Variants in ATP6V0A4 observed in about 807,000 individuals in gnomAD.
ATP6V0A4 encodes ATPase H+ transporting V0 subunit a4.
ATP6V0A4 carries 86 observed loss-of-function variants against 107.3 expected under a neutral mutation model. The ratio of observed to expected loss-of-function variants is 0.80; its 90% CI spans 0.67 to 0.96. ATP6V0A4 has a LOEUF of 0.96. Ranked by LOEUF, ATP6V0A4 falls within the 40% of genes least tolerant of loss-of-function variation. ATP6V0A4 has a pLI of 0.00. For synonymous variants in ATP6V0A4, 353 were observed against 381.4 expected (o/e 0.93, Z 0.87); for missense variants, 908 against 1,045.6 (o/e 0.87, Z 1.81).
intron 18 of ATP6V0A4, among the ~76,000 whole-genome samples, chr7:138,727,712 A>G (rs1411456511): frequency 6.6e-6 from 1 of 152,236 alleles, no homozygotes. Flanking sequence ...CATTTAAAAC[A>G]TACACGGTCT....
chr7:138,757,942 C>T lies in ATP6V0A4; in HGVS notation c.640-1402G>A, dbSNP rs1322480379. 2.6e-5 allele frequency among the ~76,000 whole-genome samples: 4 copies of T among 152,150 alleles called. No homozygotes were observed. The East Asian group carries it at 5.8e-4, about 22-fold the overall frequency. On this transcript the variant is annotated intron_variant, in intron 8 of 21. Coordinates refer to ENST00000310018, the MANE Select transcript of ATP6V0A4 (RefSeq NM_020632.3). ...TGTTTTAGGATTTTCAGAGCTGCTG[C>T]GTTACATTATTTCCAAAAGGTTTCT...
intron 14 of ATP6V0A4, 119 bp downstream of exon 14, chr7:138,745,004 A>G (rs1395095329): frequency 3.1e-6 from 3 of 954,300 alleles, no homozygotes; most frequent in Admixed American, 1.8e-5. Flanking sequence ...AGCCTGGCCT[A>G]TTTGAATTTT....
At chr7:138,713,733 A>T (rs1803870677) in intron 20 of ATP6V0A4, among the ~76,000 whole-genome samples, 1 of 152,172 alleles carries the variant, frequency 6.6e-6, no homozygotes, top group African/African-American at 2.4e-5. Flanking sequence ...AGAATTAAAG[A>T]AGGGACTATT....
chr7:138,760,240 T>A (rs915676769), intron 7 of ATP6V0A4, among the ~76,000 whole-genome samples: 2 of 152,018 alleles, frequency 1.3e-5, no homozygotes, highest in East Asian at 3.9e-4. Flanking sequence ...GGTCAGGAGT[T>A]CGAGACCAGC....
intron 20 of ATP6V0A4, among the ~76,000 whole-genome samples, chr7:138,713,831 T>C (rs1275031514): frequency 2.0e-5 from 3 of 151,742 alleles, no homozygotes; most frequent in Non-Finnish European, 4.4e-5. Context: ...CCAGGCACAA[T>C]GGCTCACACC....
At chr7:138,747,960 T>A (rs1375388636) in intron 12 of ATP6V0A4, among the ~76,000 whole-genome samples, 1 of 152,000 alleles carries the variant, frequency 6.6e-6, no homozygotes, top group African/African-American at 2.4e-5. Flanking sequence ...CTCGCTATAT[T>A]GCCCGGGCTG....
chr7:138,739,623 T>C lies in ATP6V0A4; in HGVS notation c.1489A>G (p.Met497Val), dbSNP rs151212530. The change falls in exon 15 of 22, where the codon ATG becomes GTG. Residue 497 changes from methionine (M) to valine (V), a missense_variant. Transcript: ENST00000310018. ...FRNGTWNTHV[M>V]EESLYLQLDP... ...AGCTGCAGATATAGACTTTCCTCCATTACATGAGTACTTTAGAGGGAGAAA... is the reference window on the plus strand; with the variant it reads ...AGCTGCAGATATAGACTTTCCTCCACTACATGAGTACTTTAGAGGGAGAAA... 10 of 1,613,946 alleles carry C rather than the reference T, an allele frequency of 6.2e-6. No homozygotes were observed. Among genetic ancestry groups the C allele is most frequent in the Admixed American group, 1.7e-5 (1 of 59,994 alleles).
intron 15 of ATP6V0A4, among the ~76,000 whole-genome samples, chr7:138,739,134 G>C (rs1172725210): frequency 1.3e-5 from 2 of 152,132 alleles, no homozygotes; most frequent in Non-Finnish European, 2.9e-5. Flanking sequence ...AAACATAAAA[G>C]TAAATCCACA....
chr7:138,775,628 C>T (rs1242591436), intron 2 of ATP6V0A4, among the ~76,000 whole-genome samples: 1 of 147,982 alleles, frequency 6.8e-6, no homozygotes, highest in East Asian at 2.0e-4. Context: ...AGGTGTGCAT[C>T]ACTATGATTG....
chr7:138,782,717 A>G (rs990255129), intron 2 of ATP6V0A4, among the ~76,000 whole-genome samples: 7 of 152,180 alleles, frequency 4.6e-5, no homozygotes, highest in African/African-American at 1.2e-4. Flanking sequence ...ATCCACTTCA[A>G]TGGAGTGAAA....
intron 16 of ATP6V0A4, 88 bp downstream of exon 16, chr7:138,734,048 A>C: frequency 1.4e-6 from 2 of 1,427,110 alleles, no homozygotes; most frequent in Non-Finnish European, 2.0e-6. Flanking sequence ...TTGCACAGAG[A>C]GATGCAGTTC....
At position 138,735,008 on chromosome 7, in the gene ATP6V0A4, C is replaced by T. The variant is rs572722183; in HGVS notation, c.1573-754G>A. Among the ~76,000 whole-genome samples the T allele has an allele frequency of 5.3e-5, 8 of 152,274 alleles. No individual in the cohort carries two copies. The East Asian group carries it at 1.5e-3, about 29-fold the overall frequency. The stretch of plus-strand genomic sequence containing the variant: ...TTCCTGTAGCCAATCTTTGCAAGCA[C>T]GATGCGTAAGACACAGTCCCTGCCT... On this transcript the variant is annotated intron_variant, in intron 15 of 21. Transcript: ENST00000310018.
intron 11 of ATP6V0A4, among the ~76,000 whole-genome samples, chr7:138,751,822 G>A (rs1367458378): frequency 6.6e-6 from 1 of 152,070 alleles, no homozygotes; most frequent in Non-Finnish European, 1.5e-5. Context: ...ACCTCCATGA[G>A]GTAACAGGTG....
chr7:138,745,133 C>T lies in ATP6V0A4; in HGVS notation c.1468G>A (p.Gly490Ser). 2.5e-6 allele frequency: 4 copies of T among 1,613,582 alleles called. No individual in the cohort carries two copies. Among genetic ancestry groups the T allele is most frequent in the South Asian group, 2.2e-5 (2 of 91,068 alleles). ...TGTCTGTCAACTCACTTCCATGTGCCGTTTCTGAACATGGGTTGGACACTC... is the reference window on the plus strand; with the variant it reads ...TGTCTGTCAACTCACTTCCATGTGCTGTTTCTGAACATGGGTTGGACACTC... ...SWSVQPMFRN[G>S]TWNTHVMEES... Residue 490 changes from glycine to serine, a missense_variant, in exon 14 of 22, where the codon GGC becomes AGC. Physicochemically the swap from Gly to Ser is moderately conservative, Grantham distance 56. Transcript: ENST00000310018.
intron 20 of ATP6V0A4, among the ~76,000 whole-genome samples, chr7:138,710,393 C>T (rs1398933543): frequency 2.6e-5 from 4 of 151,860 alleles, no homozygotes; most frequent in Non-Finnish European, 5.9e-5. Flanking sequence ...GGTTTCACCA[C>T]GTTGGCCAGG....
rs576745238 is a variant in ATP6V0A4 at position 138,741,550 on chromosome 7, C to T, written c.1479-1917G>A. ...AGCAACATCAGGCAAGGCCACCTGG[C>T]GACTATGATAGAGTGAGAAAAAACA... is the stretch of plus-strand genomic sequence containing the variant. On this transcript the variant is annotated intron_variant, in intron 14 of 21. Transcript: ENST00000310018. Among the ~76,000 whole-genome samples, 6 of 152,224 alleles carry T rather than the reference C, an allele frequency of 3.9e-5. No individual in the cohort carries two copies. The South Asian group carries it at 6.2e-4, about 16-fold the overall frequency.
At chr7:138,783,218 C>T (rs1808001283) in intron 2 of ATP6V0A4, among the ~76,000 whole-genome samples, 1 of 152,042 alleles carries the variant, frequency 6.6e-6, no homozygotes, top group Admixed American at 6.6e-5. Context: ...GGAGAAGAGA[C>T]AGTTGATAAC....
intron 11 of ATP6V0A4, among the ~76,000 whole-genome samples, chr7:138,750,341 T>C (rs1806159334): frequency 1.3e-5 from 2 of 152,040 alleles, no homozygotes; most frequent in South Asian, 4.2e-4. Context: ...GCCTCAAACT[T>C]CTGGGCTCAA....
intron 7 of ATP6V0A4, 150 bp downstream of exon 7, chr7:138,762,190 A>T (rs1006045360): frequency 2.0e-6 from 2 of 1,006,980 alleles, no homozygotes; most frequent in Non-Finnish European, 3.0e-6. Context: ...CAACCTAGTA[A>T]GTTACATATG....
Sources: gnomAD v4.1 joint callset for allele counts (sites outside exome capture counted in the v4.1 genomes callset) on GRCh38, gnomAD v4.1.1 for gene constraint, MANE v1.5 for transcripts, NCBI Gene and HGNC (gene_info 2026-07-23, HGNC 2026-07-21) for gene names.